Variants in FNIP2 observed in about 807,000 individuals in gnomAD.
FNIP2 encodes folliculin interacting protein 2.
Under a neutral mutation model 108.7 loss-of-function variants are expected in FNIP2, and 32 were observed. That is an observed-to-expected ratio of 0.29 (90% CI 0.22 to 0.40). The LOEUF (loss-of-function observed/expected upper bound fraction) is 0.40. Among genes scored for constraint, FNIP2 ranks in the 10% least tolerant of loss-of-function variants. FNIP2 has a pLI of 1.00. For synonymous variants in FNIP2, 480 were observed against 496.7 expected, an observed-to-expected ratio of 0.97 and a Z score of 0.45; for missense variants, 1,202 against 1,381.6, an observed-to-expected ratio of 0.87 and a Z score of 2.06.
rs957019201 is a variant in FNIP2 at position 158,906,274 on chromosome 4, T to G, written c.*1730T>G. 2 of 152,234 alleles carry G rather than the reference T, an allele frequency of 1.3e-5. No homozygotes were observed. The highest frequency in any genetic ancestry group is 2.9e-5 in the Non-Finnish European group (2 of 68,038). The allele number at this position is 152,234 out of a possible 1,614,324, so 9.4% of individuals were successfully genotyped here. On this transcript the variant is annotated 3_prime_UTR_variant, in exon 17 of 17. Coordinates refer to ENST00000264433, the MANE Select transcript of FNIP2 (RefSeq NM_020840.3). ...AGCTCACCCCACATCCGTTTCTCAT[T>G]ACGTGTAAATAAACTGTCAGAGCTG...
At chr4:158,837,369 A>G (rs1431433875) in intron 7 of FNIP2, among the ~76,000 whole-genome samples, 2 of 152,250 alleles carry the variant, frequency 1.3e-5, no homozygotes, top group Non-Finnish European at 2.9e-5. Flanking sequence ...GTTTCTGCAC[A>G]GCTGTAACCT....
chr4:158,890,498 G>A (rs1560835764), intron 14 of FNIP2: 3 of 317,200 alleles, frequency 9.5e-6, no homozygotes, highest in Admixed American at 6.5e-5. Flanking sequence ...TAAAATTACA[G>A]TATTGCATCA....
At chr4:158,856,682 G>A (rs905973617) in intron 8 of FNIP2, among the ~76,000 whole-genome samples, 1 of 152,120 alleles carries the variant, frequency 6.6e-6, no homozygotes, top group Non-Finnish European at 1.5e-5. Context: ...TAGAAGATAG[G>A]AATCCTGGGT....
At chr4:158,798,364 C>T (rs1201877395) in intron 1 of FNIP2, among the ~76,000 whole-genome samples, 1 of 152,126 alleles carries the variant, frequency 6.6e-6, no homozygotes. Flanking sequence ...ACACCTGGCC[C>T]TTCTAGATTT....
intron 14 of FNIP2, chr4:158,872,614 C>T (rs1170714800): frequency 3.0e-6 from 3 of 984,830 alleles, no homozygotes; most frequent in African/African-American, 3.5e-5. Flanking sequence ...AAGTTTAATA[C>T]ATTCAGAATA....
At chr4:158,863,813 A>AT (rs1304885404) in intron 12 of FNIP2, among the ~76,000 whole-genome samples, 1 of 151,726 alleles carries the variant, frequency 6.6e-6, no homozygotes, top group Non-Finnish European at 1.5e-5. Flanking sequence ...AAGTAGTTCC[A>AT]TATAGGTCTC....
At chr4:158,872,425 C>CT in intron 14 of FNIP2, 1 of 985,312 alleles carries the variant, frequency 1.0e-6, no homozygotes, top group Middle Eastern at 5.2e-4. Flanking sequence ...TTTTCCCTTC[C>CT]TTTTAGAAGG....
At position 158,891,624 on chromosome 4, in the gene FNIP2, A is replaced by T; in HGVS notation, c.3128A>T (p.Lys1043Met). The change falls in exon 15 of 17, where the codon AAG becomes ATG. Residue 1043 changes from lysine to methionine, a missense_variant. By Grantham distance (95) the Lys-to-Met change is moderately conservative (BLOSUM62 -1). Coordinates refer to ENST00000264433, the MANE Select transcript of FNIP2 (RefSeq NM_020840.3). ...SLLQSILQLY[K>M]LHLPADFCIM... ...CTTCAGTCCATTTTACAGCTCTATA[A>T]GCTTCACCTCCCTGCTGATTTTGTA... is the stretch of plus-strand genomic sequence containing the variant. The T allele has an allele frequency of 6.2e-7, 1 of 1,612,502 alleles. No individual in the cohort carries two copies. The highest frequency in any genetic ancestry group is 8.5e-7 in the Non-Finnish European group (1 of 1,179,308).
chr4:158,886,297 C>T (rs1782019560), intron 14 of FNIP2, among the ~76,000 whole-genome samples: 1 of 152,196 alleles, frequency 6.6e-6, no homozygotes. Context: ...TGGCATATGG[C>T]CTCTACCTCC....
In FNIP2 at chr4:158,904,578, A is replaced by AAAAATC. The variant is rs1487861781; in HGVS notation, c.*38_*43dup. ...TCAGGACAGTTCTTCCTTGGAAGAA[A>AAAAATC]AAAATCAAATTCTCAACTGAAGGAG... On this transcript the variant is annotated 3_prime_UTR_variant, in exon 17 of 17. Coordinates refer to ENST00000264433, the MANE Select transcript of FNIP2 (RefSeq NM_020840.3). 8 of 1,563,020 alleles carry AAAAATC rather than the reference A, an allele frequency of 5.1e-6. No homozygotes were observed. The highest frequency in any genetic ancestry group is 7.0e-6 in the Non-Finnish European group (8 of 1,138,460).
chr4:158,781,401 G>A (rs1248564853), intron 1 of FNIP2, among the ~76,000 whole-genome samples: 1 of 152,220 alleles, frequency 6.6e-6, no homozygotes, highest in African/African-American at 2.4e-5. Context: ...GTTGTTGCAA[G>A]CATTATTAAT....
intron 1 of FNIP2, chr4:158,806,524 C>A: frequency 1.2e-6 from 1 of 826,972 alleles, no homozygotes; most frequent in Non-Finnish European, 1.7e-6. Flanking sequence ...TGTTGTTTCT[C>A]ATAAGTGCTT....
intron 14 of FNIP2, chr4:158,872,188 T>C: frequency 1.0e-6 from 1 of 985,452 alleles, no homozygotes; most frequent in Non-Finnish European, 1.2e-6. Context: ...TTGAATGCCC[T>C]GGATTTACTC....
chr4:158,859,992 T>C (rs1022645981), intron 10 of FNIP2, among the ~76,000 whole-genome samples: 4 of 152,108 alleles, frequency 2.6e-5, no homozygotes, highest in Non-Finnish European at 5.9e-5. Flanking sequence ...CTAACCCCAT[T>C]TTACAGATGT....
intron 1 of FNIP2, among the ~76,000 whole-genome samples, chr4:158,781,347 G>T (rs2126422621): frequency 6.6e-6 from 1 of 152,330 alleles, no homozygotes; most frequent in South Asian, 2.1e-4. Context: ...TGTGAAATCA[G>T]AGTGTTCTTG....
chr4:158,883,864 C>T (rs1047283883), intron 14 of FNIP2, among the ~76,000 whole-genome samples: 5 of 151,546 alleles, frequency 3.3e-5, no homozygotes, highest in Admixed American at 6.6e-5. Context: ...TAGTAGAGGG[C>T]TTGGGAGACT....
chr4:158,790,156 G>C (rs1218632993), intron 1 of FNIP2, among the ~76,000 whole-genome samples: 1 of 151,436 alleles, frequency 6.6e-6, no homozygotes, highest in African/African-American at 2.4e-5. Flanking sequence ...TTGAGACCTG[G>C]GTCCTATCCC....
intron 14 of FNIP2, among the ~76,000 whole-genome samples, chr4:158,884,749 T>A (rs1232335304): frequency 2.0e-5 from 3 of 152,056 alleles, no homozygotes; most frequent in African/African-American, 7.2e-5. Context: ...CTCAGGAAAC[T>A]TACAATCATG....
intron 1 of FNIP2, among the ~76,000 whole-genome samples, chr4:158,810,761 C>G (rs1409950745): frequency 6.6e-6 from 1 of 152,124 alleles, no homozygotes; most frequent in Non-Finnish European, 1.5e-5. Context: ...TAACTGTGTC[C>G]AGAATGACAG....
Sources: allele counts gnomAD v4.1 joint callset (sites outside exome capture counted in the v4.1 genomes callset), GRCh38; gene constraint gnomAD v4.1.1; transcripts MANE v1.5; gene names NCBI Gene and HGNC (gene_info 2026-07-23, HGNC 2026-07-21).